The following RIN3 variants were observed in gnomAD, a reference collection of about 807,000 sequenced individuals.
The protein encoded by RIN3 is Ras and Rab interactor 3.
RIN3 carries 54 observed loss-of-function variants against 76.3 expected under a neutral mutation model. The ratio of observed to expected loss-of-function variants is 0.71; its 90% CI spans 0.57 to 0.89. The LOEUF is 0.89. RIN3 is among the 40% of genes least tolerant of loss of function. The probability of loss-of-function intolerance (pLI) is 0.00; values close to 1 mark genes in which losing one functional copy is unlikely to be tolerated. For missense variants in RIN3, 1,256 were observed against 1,322.1 expected, an observed-to-expected ratio of 0.95 and a Z score of 0.78; for synonymous variants, 576 against 564.0, an observed-to-expected ratio of 1.02 and a Z score of -0.30.
Position 92,662,327 on chromosome 14 carries a change from G to A in RIN3, c.2335+2858G>A, listed in dbSNP as rs1046100615. 9.2e-5 allele frequency among the ~76,000 whole-genome samples: 14 copies of A among 152,318 alleles called. No homozygotes were observed. In the South Asian group the frequency reaches 1.0e-3, roughly 11 times the overall value. On this transcript the variant is annotated intron_variant, in intron 7 of 9. Coordinates refer to ENST00000216487, the MANE Select transcript of RIN3 (RefSeq NM_024832.5). ...CAAGGCAGAAAGGAGACAGAGCCCC[G>A]GGGGACCCTTTGCTGGGAACAGCCT... is the stretch of plus-strand genomic sequence containing the variant.
In RIN3 at chr14:92,659,278, A is replaced by G; in HGVS notation, c.2144A>G (p.Asn715Ser). Residue 715 changes from asparagine (N) to serine (S), a missense_variant, in exon 7 of 10, where the codon AAC becomes AGC. Around this residue, in one of 3 missense-constraint regions of RIN3, gnomAD observed 428 missense variants for 521.2 expected, o/e 0.82. Transcript: ENST00000216487. ...KDGSLQQLKE[N>S]QLVILATTTT... ...GGTTCGCTGCAGCAGCTCAAGGAGA[A>G]CCAGTTAGTGATCCTGGCCACCACC... 6.2e-7 allele frequency: 1 copy of G among 1,614,106 alleles called. No individual in the cohort carries two copies. The highest frequency in any genetic ancestry group is 8.5e-7 in the Non-Finnish European group (1 of 1,179,964).
intron 3 of RIN3, among the ~76,000 whole-genome samples, chr14:92,589,727 AG>A (rs1160312209): frequency 6.6e-6 from 1 of 152,218 alleles, no homozygotes; most frequent in Non-Finnish European, 1.5e-5. Flanking sequence ...GCTCATAAAA[AG>A]TTAGTTGTCT....
At chr14:92,664,786 G>C (rs558364109) in intron 7 of RIN3, among the ~76,000 whole-genome samples, 7 of 152,168 alleles carry the variant, frequency 4.6e-5, no homozygotes, top group Admixed American at 1.3e-4. Flanking sequence ...TTTGTGGCAT[G>C]TATGTATGTA....
chr14:92,632,218 G>A (rs1886610429), intron 4 of RIN3, among the ~76,000 whole-genome samples: 1 of 152,148 alleles, frequency 6.6e-6, no homozygotes, highest in Admixed American at 6.5e-5. Context: ...AGCACTTAAG[G>A]CAAACCCCAC....
At chr14:92,647,482 T>TA (rs1233598169) in intron 5 of RIN3, among the ~76,000 whole-genome samples, 2 of 152,210 alleles carry the variant, frequency 1.3e-5, no homozygotes, top group African/African-American at 4.8e-5. Context: ...ACTTCAAAAA[T>TA]ATGTTTAGGA....
At chr14:92,532,622 C>T (rs1896910393) in intron 1 of RIN3, among the ~76,000 whole-genome samples, 1 of 152,164 alleles carries the variant, frequency 6.6e-6, no homozygotes, top group South Asian at 2.1e-4. Flanking sequence ...CCATCTCCTC[C>T]CTAACGTCCC....
At chr14:92,597,352 C>G (rs8009212) in intron 3 of RIN3, among the ~76,000 whole-genome samples, 46,479 of 152,002 alleles carry the variant, frequency 0.31, 7,239 homozygotes, top group East Asian at 0.46. Context: ...AATCATCAAG[C>G]CTGAGGGGCT....
rs565660699 is a variant in RIN3 at position 92,597,104 on chromosome 14, C to T, written c.368-18303C>T. 5.3e-5 allele frequency among the ~76,000 whole-genome samples: 8 copies of T among 152,188 alleles called. No individual in the cohort carries two copies. The East Asian group carries it at 1.2e-3, about 22-fold the overall frequency. On this transcript the variant is annotated intron_variant, in intron 3 of 9. Coordinates refer to ENST00000216487, the MANE Select transcript of RIN3 (RefSeq NM_024832.5). ...CTCACAGAACCATGGGGAGGTGTCA[C>T]GTATGTGAGCATTTTGCGAAAAGCA... is the stretch of plus-strand genomic sequence containing the variant.
chr14:92,521,554 C>T (rs1328632118), intron 1 of RIN3, among the ~76,000 whole-genome samples: 4 of 152,118 alleles, frequency 2.6e-5, no homozygotes, highest in African/African-American at 7.2e-5. Flanking sequence ...GAGCCTGGCA[C>T]CTCCCTGCTC....
intron 3 of RIN3, among the ~76,000 whole-genome samples, chr14:92,597,307 G>T (rs1285014413): frequency 2.0e-5 from 3 of 152,230 alleles, no homozygotes; most frequent in Non-Finnish European, 4.4e-5. Flanking sequence ...GATGCATAAT[G>T]TGAGACTATT....
intron 1 of RIN3, among the ~76,000 whole-genome samples, chr14:92,517,277 C>T (rs1040162070): frequency 1.1e-4 from 17 of 152,122 alleles, no homozygotes; most frequent in Admixed American, 9.8e-4. Context: ...CCCAGAGGTA[C>T]ATGACACACA....
intron 4 of RIN3, among the ~76,000 whole-genome samples, chr14:92,638,374 T>TG (rs964096475): frequency 6.6e-6 from 1 of 151,612 alleles, no homozygotes; most frequent in Non-Finnish European, 1.5e-5. Context: ...GGGCGGATGT[T>TG]GGGGGGGCAA....
intron 3 of RIN3, among the ~76,000 whole-genome samples, chr14:92,590,795 G>A (rs1322040548): frequency 6.6e-6 from 1 of 152,180 alleles, no homozygotes. Context: ...ACAGTCCAGA[G>A]GCACAGGCTC....
intron 3 of RIN3, among the ~76,000 whole-genome samples, chr14:92,601,817 C>G (rs889447181): frequency 2.6e-5 from 4 of 152,206 alleles, no homozygotes; most frequent in African/African-American, 9.7e-5. Flanking sequence ...TTCCCTGACA[C>G]TTGGCAATTT....
At chr14:92,629,101 C>G (rs923145949) in intron 4 of RIN3, among the ~76,000 whole-genome samples, 2 of 149,586 alleles carry the variant, frequency 1.3e-5, no homozygotes, top group Admixed American at 1.3e-4. Flanking sequence ...ACCAAGGGTC[C>G]TGAGTCGGAA....
intron 1 of RIN3, among the ~76,000 whole-genome samples, chr14:92,533,917 A>T (rs977592361): frequency 6.6e-6 from 1 of 152,210 alleles, no homozygotes; most frequent in Non-Finnish European, 1.5e-5. Flanking sequence ...CAAGTGTTTA[A>T]TAACCACATA....
intron 7 of RIN3, among the ~76,000 whole-genome samples, chr14:92,666,271 G>A (rs759146515): frequency 1.3e-4 from 20 of 152,214 alleles, no homozygotes; most frequent in Non-Finnish European, 2.6e-4. Context: ...AGGGCGGGCC[G>A]CTAGCAAGAC....
At chr14:92,642,001 A>G (rs1887032422) in intron 5 of RIN3, among the ~76,000 whole-genome samples, 2 of 152,252 alleles carry the variant, frequency 1.3e-5, no homozygotes, top group Admixed American at 1.3e-4. Context: ...GCTGGCCCTC[A>G]GGAAGCCCAA....
In RIN3 at chr14:92,688,172, T is replaced by A; in HGVS notation, c.2878T>A (p.Tyr960Asn). The stretch of plus-strand genomic sequence containing the variant: ...GCCCAAGCGCGACTTCCACTTTGTC[T>A]ACCGGCCCCTGGACGGTGGTGGCGG... Reference protein sequence around the residue: ...SEPKRDFHFVYRPLDGGGGGG... With the variant: ...SEPKRDFHFVNRPLDGGGGGG... Residue 960 changes from tyrosine to asparagine, a missense_variant, in exon 10 of 10, where the codon TAC becomes AAC. Transcript: ENST00000216487. 1 of 1,602,982 alleles carries A rather than the reference T, an allele frequency of 6.2e-7. No individual in the cohort carries two copies. Among genetic ancestry groups the A allele is most frequent in the East Asian group, 2.3e-5 (1 of 44,386 alleles).
Sources: gnomAD v4.1 joint callset for allele counts (sites outside exome capture counted in the v4.1 genomes callset) on GRCh38, gnomAD v4.1.1 for gene constraint, gnomAD v4.1.1 regional missense constraint, MANE v1.5 for transcripts, NCBI Gene and HGNC (gene_info 2026-07-23, HGNC 2026-07-21) for gene names.